Variants in SLC20A1 observed in about 807,000 individuals in gnomAD.
SLC20A1 encodes sodium-dependent phosphate transporter 1.
A neutral mutation model predicts 62.7 loss-of-function variants in SLC20A1; 28 were observed. That is an observed-to-expected ratio of 0.45 (90% confidence interval 0.33 to 0.61). SLC20A1 has a LOEUF of 0.61. SLC20A1 is among the 20% of genes least tolerant of loss of function. SLC20A1 has a pLI of 0.02. For missense variants in SLC20A1, 673 were observed against 838.6 expected (o/e 0.80, Z 2.44); for synonymous variants, 305 against 302.9 (o/e 1.01, Z -0.07).
chr2:112,655,094 G>A (rs1255675811), intron 5 of SLC20A1, among the ~76,000 whole-genome samples: 3 of 150,094 alleles, frequency 2.0e-5, no homozygotes, highest in East Asian at 2.0e-4. Context: ...TCAGCCTCCC[G>A]AGTAGCTGGG....
chr2:112,657,299 T>G (rs1686618636), intron 6 of SLC20A1, 58 bp downstream of exon 6: 9 of 1,521,256 alleles, frequency 5.9e-6, no homozygotes, highest in Admixed American at 3.7e-5. Context: ...TTATTTTTTA[T>G]TTGGCCACCT....
rs1450471766 is a variant in SLC20A1, at chr2:112,659,296, G to A, written c.1141G>A (p.Val381Met). ...CAGTGGCCACTACCAGTATCACACC[G>A]TGCATAAGGATTCCGGCCTGTACAA... ...NSSGHYQYHT[V>M]HKDSGLYKEL... The change falls in exon 8 of 11, where the codon GTG (valine) becomes ATG (methionine). Residue 381 changes from valine to methionine, a missense_variant. Val to Met is a conservative substitution (Grantham distance 21, BLOSUM62 1). Transcript: ENST00000272542. 10 of 1,614,034 alleles carry A rather than the reference G, an allele frequency of 6.2e-6. No homozygotes were observed. Among genetic ancestry groups the A allele is most frequent in the African/African-American group, 5.3e-5 (4 of 74,908 alleles).
Position 112,657,180 on chromosome 2 carries a change from A to G in SLC20A1, c.717A>G (p.Ala239=), listed in dbSNP as rs1335899541. The G allele has an allele frequency of 2.5e-6, 4 of 1,613,892 alleles. No homozygotes were observed. The highest frequency in any genetic ancestry group is 1.6e-4 in the Middle Eastern group (1 of 6,062). The change falls in exon 6 of 11, where the codon GCA becomes GCG. Residue 239 remains alanine, a synonymous_variant. Coordinates refer to ENST00000272542, the MANE Select transcript of SLC20A1 (RefSeq NM_005415.5). ...WGTILISVGC[A]VFCALIVWFF... is the part of the protein sequence containing the mutation. Reference sequence around the variant, plus strand: ...CCATCCTCATCTCGGTGGGATGTGCAGTTTTCTGTGCCCTTATCGTCTGGT... The same window carrying G: ...CCATCCTCATCTCGGTGGGATGTGCGGTTTTCTGTGCCCTTATCGTCTGGT...
intron 4 of SLC20A1, among the ~76,000 whole-genome samples, chr2:112,651,742 C>T (rs530101260): frequency 7.9e-5 from 12 of 152,276 alleles, no homozygotes; most frequent in South Asian, 6.2e-4. Flanking sequence ...TGGGTGTTCT[C>T]CTATAGAATT....
At chr2:112,647,498 G>C (rs111636436) in intron 3 of SLC20A1, 34 bp downstream of exon 3, 1 of 1,604,588 alleles carries the variant, frequency 6.2e-7, no homozygotes. Flanking sequence ...CTTAATTTTC[G>C]TTTTCGTCAT....
At chr2:112,657,350 T>TAA (rs1686619542) in intron 6 of SLC20A1, 109 bp downstream of exon 6, 1 of 1,167,174 alleles carries the variant, frequency 8.6e-7, no homozygotes, top group Admixed American at 2.5e-5. Flanking sequence ...TAAGAGATTT[T>TAA]AAAGGGAAAT....
Position 112,659,643 on chromosome 2 carries a change from T to A in SLC20A1, c.1488T>A (p.Ser496Arg), listed in dbSNP as rs1180362659. ...AEMGLGDRKG[S>R]NGSLEEWYDQ... ...TGGGTCTAGGTGACAGAAAAGGAAGTAATGGCTCTCTAGAAGAATGGTATG... is the reference window on the plus strand; with the variant it reads ...TGGGTCTAGGTGACAGAAAAGGAAGAAATGGCTCTCTAGAAGAATGGTATG... The change falls in exon 8 of 11, where the codon AGT (serine) becomes AGA (arginine). Residue 496 changes from serine to arginine, a missense_variant. Physicochemically the swap from Ser to Arg is moderately radical, Grantham distance 110. Coordinates refer to ENST00000272542, the MANE Select transcript of SLC20A1 (RefSeq NM_005415.5). The A allele has an allele frequency of 3.1e-6, 5 of 1,614,188 alleles. No individual in the cohort carries two copies. The highest frequency in any genetic ancestry group is 4.2e-6 in the Non-Finnish European group (5 of 1,180,012).
At chr2:112,662,811 A>G (rs1421016972) in intron 10 of SLC20A1, 53 bp from the exon 11 acceptor site, 22 of 1,587,498 alleles carry the variant, frequency 1.4e-5, no homozygotes, top group Non-Finnish European at 5.2e-6. Context: ...TCTGTTTGCC[A>G]GAATACCACT....
chr2:112,663,247 AG>A lies in SLC20A1; in HGVS notation c.*224del. On this transcript the variant is annotated 3_prime_UTR_variant, in exon 11 of 11. Coordinates refer to ENST00000272542, the MANE Select transcript of SLC20A1 (RefSeq NM_005415.5). ...GCCCGGGTTCCACTGGCTCCTGCTG[AG>A]GTCCCCTTTCCTTCTGGGCTGTGAA... The A allele has an allele frequency of 1.6e-6, 1 of 620,998 alleles. No individual in the cohort carries two copies. Among genetic ancestry groups the A allele is most frequent in the South Asian group, 1.5e-5 (1 of 65,468 alleles). The allele number at this position is 620,998 out of a possible 1,614,324, so 38.5% of individuals were successfully genotyped here. A position where few individuals can be genotyped will look rare whatever the true frequency, so the allele number is the denominator to read the frequency against.
rs372246742 is a variant in SLC20A1, at chr2:112,647,503, C to T, written c.475+39C>T. The T allele has an allele frequency of 1.4e-5, 22 of 1,604,196 alleles. No individual in the cohort carries two copies. The Admixed American group carries it at 1.4e-4, about 10-fold the overall frequency. ...CAAACGGCTTCTTAATTTTCGTTTT[C>T]GTCATATGTTACCATGGCATTAGGT... On this transcript the variant is annotated intron_variant, in intron 3 of 10. Coordinates refer to ENST00000272542, the MANE Select transcript of SLC20A1 (RefSeq NM_005415.5).
At chr2:112,657,774 C>T (rs1384542063) in intron 6 of SLC20A1, among the ~76,000 whole-genome samples, 1 of 152,220 alleles carries the variant, frequency 6.6e-6, no homozygotes, top group Admixed American at 6.5e-5. Context: ...AATACATATA[C>T]AAACACACAT....
rs1369112800 is a variant in SLC20A1 at position 112,663,483 on chromosome 2, G to A, written c.*458G>A. On this transcript the variant is annotated 3_prime_UTR_variant, in exon 11 of 11. Coordinates refer to ENST00000272542, the MANE Select transcript of SLC20A1 (RefSeq NM_005415.5). The stretch of plus-strand genomic sequence containing the variant: ...CAAAAATATAACTACAACTTCCCTT[G>A]TAGTCTCTTATATAAGTAGAGTCCT... 1 of 307,174 alleles carries A rather than the reference G, an allele frequency of 3.3e-6. No individual in the cohort carries two copies. Among genetic ancestry groups the A allele is most frequent in the Non-Finnish European group, 6.2e-6 (1 of 160,230 alleles). The allele number at this position is 307,174 out of a possible 1,614,324, so 19.0% of individuals were successfully genotyped here.
chr2:112,647,834 A>T, intron 4 of SLC20A1, 96 bp downstream of exon 4: 1 of 968,772 alleles, frequency 1.0e-6, no homozygotes, highest in Non-Finnish European at 1.6e-6. Flanking sequence ...GTGTATAGGT[A>T]TGCGGCCTTG....
chr2:112,652,862 C>T (rs1297715581), intron 5 of SLC20A1, 64 bp downstream of exon 5: 2 of 1,613,210 alleles, frequency 1.2e-6, no homozygotes, highest in South Asian at 1.1e-5. Flanking sequence ...GCATTAAATG[C>T]CCAATTTACC....
At chr2:112,658,785 C>A in intron 6 of SLC20A1, 40 bp from the exon 7 acceptor site, 2 of 1,560,636 alleles carry the variant, frequency 1.3e-6, no homozygotes, top group Non-Finnish European at 8.6e-7. Context: ...AGTAGTATGG[C>A]CACAACCAAA....
intron 6 of SLC20A1, among the ~76,000 whole-genome samples, chr2:112,657,762 C>G (rs931493219): frequency 6.6e-6 from 1 of 152,142 alleles, no homozygotes. Flanking sequence ...GTATACAATG[C>G]AAATACATAT....
At chr2:112,646,292 G>A (rs1279217154) in intron 1 of SLC20A1, among the ~76,000 whole-genome samples, 163 bp downstream of exon 1, 1 of 151,916 alleles carries the variant, frequency 6.6e-6, no homozygotes, top group South Asian at 2.1e-4. Flanking sequence ...CCTTTTTGGC[G>A]GTCCCCGGGC....
intron 5 of SLC20A1, 41 bp from the exon 6 acceptor site, chr2:112,657,081 G>C (rs562748607): frequency 1.2e-6 from 2 of 1,613,226 alleles, no homozygotes; most frequent in South Asian, 1.1e-5. Flanking sequence ...GCAGGGGGCT[G>C]TTGCCCTGGG....
chr2:112,653,782 T>C (rs1686507191), intron 5 of SLC20A1, among the ~76,000 whole-genome samples: 1 of 152,158 alleles, frequency 6.6e-6, no homozygotes, highest in African/African-American at 2.4e-5. Context: ...TAGAGTTAGC[T>C]AAATATTTTT....
Sources: allele counts gnomAD v4.1 joint callset (sites outside exome capture counted in the v4.1 genomes callset), GRCh38; gene constraint gnomAD v4.1.1; transcripts MANE v1.5; gene names NCBI Gene and HGNC (gene_info 2026-07-23, HGNC 2026-07-21).